The following DCC variants were observed in gnomAD, a reference collection of about 807,000 sequenced individuals.
DCC encodes the protein DCC netrin 1 receptor.
Under a neutral mutation model 172.5 loss-of-function variants are expected in DCC, and 58 were observed. That is an observed-to-expected ratio of 0.34 (90% CI 0.27 to 0.42). DCC has a LOEUF of 0.42. Ranked by LOEUF, DCC falls within the 10% of genes least tolerant of loss-of-function variation. DCC has a pLI of 1.00. For synonymous variants in DCC, 709 were observed against 644.5 expected (o/e 1.10, Z -1.52); for missense variants, 1,740 against 1,791.0 (o/e 0.97, Z 0.51).
chr18:53,429,184 G>A lies in DCC; in HGVS notation c.3164-5960G>A, dbSNP rs1162604769. 1.1e-4 allele frequency among the ~76,000 whole-genome samples: 10 copies of A among 89,158 alleles called. No homozygotes were observed. In the East Asian group the frequency reaches 2.5e-3, roughly 22 times the overall value. The allele number at this position is 89,158 out of a possible 152,430, so 58.5% of individuals were successfully genotyped here. A position where few individuals can be genotyped will look rare whatever the true frequency, so the allele number is the denominator to read the frequency against. ...GTATACTGCTTTTACTTGTTGGCCTGGCAAAGTGTACTGCCTTTACTTTGG... is the reference window on the plus strand; with the variant it reads ...GTATACTGCTTTTACTTGTTGGCCTAGCAAAGTGTACTGCCTTTACTTTGG... On this transcript the variant is annotated intron_variant, in intron 21 of 28. Transcript: ENST00000442544.
Position 52,549,864 on chromosome 18 carries a change from T to C in DCC, c.92-202190T>C, listed in dbSNP as rs138714512. On this transcript the variant is annotated intron_variant, in intron 1 of 28. Coordinates refer to ENST00000442544, the MANE Select transcript of DCC (RefSeq NM_005215.4). ...TTGTCTCATTTATTCTTTATAACTC[T>C]ACATGTTATGCAGAAGAATTTTGAA... Among the ~76,000 whole-genome samples the C allele has an allele frequency of 2.2e-4, 33 of 152,086 alleles. No individual in the cohort carries two copies. The East Asian group carries it at 6.4e-3, about 29-fold the overall frequency.
chr18:53,527,057 TATATAC>T (rs1442398521), intron 28 of DCC: 1 of 403,616 alleles, frequency 2.5e-6, no homozygotes, highest in Non-Finnish European at 4.7e-6. Context: ...ATGTACATAA[TATATAC>T]ATATACACAT....
intron 1 of DCC, among the ~76,000 whole-genome samples, chr18:52,742,088 T>C (rs1375458132): frequency 6.6e-6 from 1 of 152,192 alleles, no homozygotes; most frequent in African/African-American, 2.4e-5. Flanking sequence ...GGGCACTTAC[T>C]GGCCAAGAAA....
intron 2 of DCC, among the ~76,000 whole-genome samples, chr18:52,818,418 T>TAA (rs55812629): frequency 0.066 from 6,387 of 96,986 alleles, 224 homozygotes; most frequent in South Asian, 0.18. Flanking sequence ...TCTCAAAAAG[T>TAA]AAAAAAAAAA....
At chr18:53,065,285 C>T (rs2042549849) in intron 6 of DCC, among the ~76,000 whole-genome samples, 1 of 152,144 alleles carries the variant, frequency 6.6e-6, no homozygotes, top group Admixed American at 6.6e-5. Context: ...TAACACGTTT[C>T]ACTTACTTAA....
rs866342632 is a variant in DCC at position 52,642,033 on chromosome 18, T to C, written c.92-110021T>C. 6.1e-4 allele frequency among the ~76,000 whole-genome samples: 6 copies of C among 9,812 alleles called. No individual in the cohort carries two copies. The East Asian group carries it at 0.018, about 29-fold the overall frequency. 6.4% of individuals were successfully genotyped at this position (9,812 alleles called of 152,430 possible). ...GTGTGTGTATATATATATATATATA[T>C]ATATATATATATACTGTGGTGTGTG... is the stretch of plus-strand genomic sequence containing the variant. On this transcript the variant is annotated intron_variant, in intron 1 of 28. Coordinates refer to ENST00000442544, the MANE Select transcript of DCC (RefSeq NM_005215.4).
chr18:53,460,904 A>C (rs555494279), intron 24 of DCC, among the ~76,000 whole-genome samples: 9,478 of 152,104 alleles, frequency 0.062, 327 homozygotes, highest in Non-Finnish European at 0.065. Context: ...CCAACAGTGT[A>C]AAAGTGTTCC....
chr18:53,172,695 A>G (rs1242379637), intron 8 of DCC, among the ~76,000 whole-genome samples: 1 of 152,122 alleles, frequency 6.6e-6, no homozygotes, highest in East Asian at 1.9e-4. Flanking sequence ...GAAATGATTC[A>G]CAGCAGATGA....
chr18:52,660,048 G>T (rs529423321), intron 1 of DCC, among the ~76,000 whole-genome samples: 3 of 151,954 alleles, frequency 2.0e-5, no homozygotes, highest in African/African-American at 7.3e-5. Flanking sequence ...CGAATTCCTC[G>T]CCCGCCAATT....
chr18:52,385,705 T>C (rs1266226672), intron 1 of DCC, among the ~76,000 whole-genome samples: 7 of 152,090 alleles, frequency 4.6e-5, no homozygotes, highest in Admixed American at 4.6e-4. Flanking sequence ...TTCCTTGAAC[T>C]TGGAAAGTCG....
rs1411686687 is a variant in DCC, at chr18:52,349,219, C to G, written c.91+8341C>G. 2.6e-5 allele frequency among the ~76,000 whole-genome samples: 4 copies of G among 152,134 alleles called. 1 individual carries two copies. Among genetic ancestry groups the G allele is most frequent in the Admixed American group, 2.6e-4 (4 of 15,274 alleles). ...TTGTTTGGGTTTATAATTTTTTCAC[C>G]TGCTCCCATGGGACAGGCTAATGAA... On this transcript the variant is annotated intron_variant, in intron 1 of 28. Coordinates refer to ENST00000442544, the MANE Select transcript of DCC (RefSeq NM_005215.4).
chr18:52,614,741 A>C lies in DCC; in HGVS notation c.92-137313A>C, dbSNP rs761982609. ...AGTCCCTTGGTGAATAAAATCTTGAATATAAAGCATGTTACATCTGAAAAA... is the reference window on the plus strand; with the variant it reads ...AGTCCCTTGGTGAATAAAATCTTGACTATAAAGCATGTTACATCTGAAAAA... On this transcript the variant is annotated intron_variant, in intron 1 of 28. Coordinates refer to ENST00000442544, the MANE Select transcript of DCC (RefSeq NM_005215.4). Among the ~76,000 whole-genome samples, 6 of 152,126 alleles carry C rather than the reference A, an allele frequency of 3.9e-5. 1 individual carries two copies. Among genetic ancestry groups the C allele is most frequent in the Non-Finnish European group, 7.4e-5 (5 of 68,020 alleles).
intron 1 of DCC, among the ~76,000 whole-genome samples, chr18:52,500,631 T>C (rs1291508429): frequency 6.6e-6 from 1 of 152,220 alleles, no homozygotes; most frequent in Non-Finnish European, 1.5e-5. Flanking sequence ...AAACTTTAGA[T>C]GAATACAATT....
At chr18:53,279,051 C>T (rs2056837809) in intron 12 of DCC, among the ~76,000 whole-genome samples, 1 of 152,194 alleles carries the variant, frequency 6.6e-6, no homozygotes, top group Non-Finnish European at 1.5e-5. Context: ...GTTCCTATTT[C>T]TCCACATCCT....
rs567686130 is a variant in DCC, at chr18:53,368,005, C to A, written c.2360-18038C>A. 2.2e-4 allele frequency among the ~76,000 whole-genome samples: 33 copies of A among 152,240 alleles called. No individual in the cohort carries two copies. The East Asian group carries it at 6.4e-3, about 29-fold the overall frequency. ...TTTAATTGCTTGAGGCTCTACCATA[C>A]TGTTTTTCATAGCAGTTGTACTATT... On this transcript the variant is annotated intron_variant, in intron 15 of 28. Transcript: ENST00000442544.
chr18:52,652,175 A>C (rs2035145312), intron 1 of DCC, among the ~76,000 whole-genome samples: 1 of 152,170 alleles, frequency 6.6e-6, no homozygotes, highest in Non-Finnish European at 1.5e-5. Flanking sequence ...CTGTAGTAAT[A>C]TGCTCGTTGC....
intron 1 of DCC, among the ~76,000 whole-genome samples, chr18:52,467,188 C>A (rs1598841624): frequency 1.3e-5 from 2 of 151,964 alleles, no homozygotes; most frequent in South Asian, 4.2e-4. Context: ...TAATGCTATC[C>A]CTCCCCTAGT....
chr18:53,339,412 T>C (rs2057629584), intron 14 of DCC, among the ~76,000 whole-genome samples: 1 of 152,116 alleles, frequency 6.6e-6, no homozygotes, highest in African/African-American at 2.4e-5. Flanking sequence ...TAATGATACC[T>C]AAGAAGAGAT....
Position 53,402,855 on chromosome 18 carries a change from G to A in DCC, c.2897G>A (p.Ser966Asn), listed in dbSNP as rs1909402046. 11 of 1,614,074 alleles carry A rather than the reference G, an allele frequency of 6.8e-6. No homozygotes were observed. Among genetic ancestry groups the A allele is most frequent in the Non-Finnish European group, 9.3e-6 (11 of 1,179,956 alleles). ...REGKPRAVIV[S>N]WQPPLEANGK... is the part of the protein sequence containing the mutation. ...GGGAAGCCTCGTGCCGTCATTGTGA[G>A]TTGGCAGCCTCCCTTGGAAGCCAAT... The change falls in exon 19 of 29, where the codon AGT becomes AAT. Residue 966 changes from serine to asparagine, a missense_variant. Transcript: ENST00000442544.
Sources: gnomAD v4.1 joint callset for allele counts (sites outside exome capture counted in the v4.1 genomes callset) on GRCh38, gnomAD v4.1.1 for gene constraint, MANE v1.5 for transcripts, NCBI Gene and HGNC (gene_info 2026-07-23, HGNC 2026-07-21) for gene names.